Variants in USP34 observed in about 807,000 individuals in gnomAD.
USP34 encodes ubiquitin carboxyl-terminal hydrolase 34.
In USP34, 70 loss-of-function variants were observed where a neutral mutation model predicts 460.3. The ratio of observed to expected loss-of-function variants is 0.15; its 90% CI spans 0.13 to 0.19. USP34 has a LOEUF of 0.19. Among genes scored for constraint, USP34 ranks in the 10% least tolerant of loss-of-function variants. The pLI is 1.00. For synonymous variants in USP34, 1,647 were observed against 1,405.3 expected (o/e 1.17, Z -3.85); for missense variants, 3,985 against 4,236.2 (o/e 0.94, Z 1.65).
rs1333372050 is a variant in USP34 at position 61,284,796 on chromosome 2, A to G, written c.4832+79T>C. 4 of 1,177,602 alleles carry G rather than the reference A, an allele frequency of 3.4e-6. No homozygotes were observed. In the South Asian group the frequency reaches 7.5e-5, roughly 22 times the overall value. The allele number at this position is 1,177,602 out of a possible 1,614,324, so 72.9% of individuals were successfully genotyped here. On this transcript the variant is annotated intron_variant, in intron 35 of 79. Transcript: ENST00000398571. Reference sequence around the variant, plus strand: ...TCCCCCAAATTTTTCTATTAAGTTTAGAATTTTTCAAAATAAAGTTTTAAA... The same window carrying G: ...TCCCCCAAATTTTTCTATTAAGTTTGGAATTTTTCAAAATAAAGTTTTAAA...
chr2:61,319,143 A>G (rs1458031111), intron 22 of USP34, 30 bp downstream of exon 22: 1 of 1,528,898 alleles, frequency 6.5e-7, no homozygotes, highest in East Asian at 2.4e-5. Flanking sequence ...ACATGGAAAA[A>G]TAATAACAAA....
Position 61,296,999 on chromosome 2 carries a change from A to T in USP34, c.4129-74T>A, listed in dbSNP as rs78257503. On this transcript the variant is annotated intron_variant, in intron 29 of 79. Transcript: ENST00000398571. ...AAGTTTTAAGTTCAAATTTTTGCAT[A>T]AAGTAATGATCAAATTTGCTAATAG... 2,914 of 1,486,796 alleles carry T rather than the reference A, an allele frequency of 2.0e-3. 8 individuals carry two copies. Among genetic ancestry groups the T allele is most frequent in the Non-Finnish European group, 2.0e-3 (2,276 of 1,118,974 alleles). The allele number at this position is 1,486,796 out of a possible 1,614,324, so 92.1% of individuals were successfully genotyped here. A position where few individuals can be genotyped will look rare whatever the true frequency, so the allele number is the denominator to read the frequency against.
intron 3 of USP34, among the ~76,000 whole-genome samples, chr2:61,401,025 C>T (rs1693701493): frequency 6.6e-6 from 1 of 151,580 alleles, no homozygotes; most frequent in South Asian, 2.1e-4. Flanking sequence ...TGGGTGCGCG[C>T]CTGTAGTCCC....
chr2:61,400,626 G>A (rs1411279743), intron 3 of USP34, among the ~76,000 whole-genome samples: 3 of 152,040 alleles, frequency 2.0e-5, no homozygotes, highest in African/African-American at 7.2e-5. Context: ...GAGGCAGGAA[G>A]ATTGCCCAAA....
At chr2:61,225,886 T>G (rs1252240261) in intron 62 of USP34, among the ~76,000 whole-genome samples, 2 of 152,234 alleles carry the variant, frequency 1.3e-5, no homozygotes, top group African/African-American at 4.8e-5. Flanking sequence ...ATTTTCCCTA[T>G]AAGTCATATC....
At chr2:61,384,155 T>C (rs1176512396) in intron 5 of USP34, among the ~76,000 whole-genome samples, 1 of 152,226 alleles carries the variant, frequency 6.6e-6, no homozygotes, top group Non-Finnish European at 1.5e-5. Flanking sequence ...AAGTACTTAC[T>C]AAGTTTACTA....
At chr2:61,466,282 G>A (rs888268529) in intron 1 of USP34, among the ~76,000 whole-genome samples, 5 of 151,756 alleles carry the variant, frequency 3.3e-5, no homozygotes, top group South Asian at 4.1e-4. Context: ...AAAATTAGCC[G>A]GGCTTGGTGG....
At chr2:61,462,429 A>T (rs765494996) in intron 1 of USP34, among the ~76,000 whole-genome samples, 24 of 151,282 alleles carry the variant, frequency 1.6e-4, no homozygotes, top group Non-Finnish European at 2.7e-4. Context: ...CGCACCTGTA[A>T]TCCCAGCTAC....
Position 61,300,965 on chromosome 2 carries a change from C to T in USP34, c.4114G>A (p.Val1372Met), listed in dbSNP as rs1430135591. Residue 1372 changes from valine to methionine, a missense_variant, in exon 29 of 80, where the codon GTG (valine) becomes ATG (methionine). Physicochemically the swap from Val to Met is conservative, Grantham distance 21 (BLOSUM62 1). Around this residue, in one of 14 missense-constraint regions of USP34, gnomAD observed 1,114 missense variants for 1,122.5 expected, o/e 0.99. Coordinates refer to ENST00000398571, the MANE Select transcript of USP34 (RefSeq NM_014709.4). ...AACATAGTCACCTCACTATCATCCA[C>T]TGCCACTTTTCCTGAGGGTGGTTTA... ...SFKPPSGKVA[V>M]DDSESLRCEE... The T allele has an allele frequency of 6.2e-7, 1 of 1,611,676 alleles. No homozygotes were observed. Among genetic ancestry groups the T allele is most frequent in the Non-Finnish European group, 8.5e-7 (1 of 1,178,944 alleles).
At chr2:61,306,698 A>G (rs1186070726) in intron 27 of USP34, among the ~76,000 whole-genome samples, 1 of 152,228 alleles carries the variant, frequency 6.6e-6, no homozygotes, top group Non-Finnish European at 1.5e-5. Flanking sequence ...TATGCAGCCA[A>G]AAGACACATG....
At chr2:61,463,345 A>G (rs1695662904) in intron 1 of USP34, among the ~76,000 whole-genome samples, 1 of 152,114 alleles carries the variant, frequency 6.6e-6, no homozygotes. Flanking sequence ...AAATCAAAAA[A>G]TTTGAAATTT....
chr2:61,398,829 A>C (rs886804826), intron 3 of USP34, among the ~76,000 whole-genome samples: 3 of 152,238 alleles, frequency 2.0e-5, no homozygotes, highest in Admixed American at 6.5e-5. Context: ...AAATGTCCTT[A>C]GAGAAATGAA....
At chr2:61,324,508 C>T (rs145569465) in intron 21 of USP34, among the ~76,000 whole-genome samples, 3 of 152,286 alleles carry the variant, frequency 2.0e-5, no homozygotes, top group African/African-American at 7.2e-5. Flanking sequence ...GGTGCAGTGA[C>T]ACACTGGTAA....
Position 61,236,801 on chromosome 2 carries a change from A to AT in USP34, c.6778-413_6778-412insA, listed in dbSNP as rs1688082437. Among the ~76,000 whole-genome samples, 5 of 152,318 alleles carry AT rather than the reference A, an allele frequency of 3.3e-5. No homozygotes were observed. The South Asian group carries it at 1.0e-3, about 32-fold the overall frequency. On this transcript the variant is annotated intron_variant, in intron 53 of 79. Coordinates refer to ENST00000398571, the MANE Select transcript of USP34 (RefSeq NM_014709.4). ...TAAATCAGACGTGATTTGTTTATAAAAATCATGAAAAATTATTTCTGACAT... is the reference window on the plus strand; with the variant it reads ...TAAATCAGACGTGATTTGTTTATAAATAATCATGAAAAATTATTTCTGACAT...
chr2:61,259,571 A>T (rs936981040), intron 44 of USP34, 140 bp downstream of exon 44: 1 of 604,550 alleles, frequency 1.7e-6, no homozygotes, highest in African/African-American at 1.9e-5. Context: ...TTTTTAGTAG[A>T]GATGGGGTTT....
intron 22 of USP34, among the ~76,000 whole-genome samples, chr2:61,318,368 A>G (rs953965541): frequency 2.0e-5 from 3 of 152,164 alleles, no homozygotes; most frequent in Non-Finnish European, 4.4e-5. Flanking sequence ...AACTTATGAG[A>G]GGTATAGCTA....
At chr2:61,189,327 C>A in intron 78 of USP34, 1 of 320,408 alleles carries the variant, frequency 3.1e-6, no homozygotes, top group Non-Finnish European at 5.6e-6. Context: ...GGCTGGAGTG[C>A]AGTGGTGTAA....
intron 1 of USP34, among the ~76,000 whole-genome samples, chr2:61,458,507 G>C (rs1376865945): frequency 7.0e-6 from 1 of 141,866 alleles, no homozygotes; most frequent in African/African-American, 2.6e-5. Flanking sequence ...GTTGCAGTGA[G>C]CCAAGATCAC....
intron 57 of USP34, among the ~76,000 whole-genome samples, chr2:61,232,904 C>A (rs1476694496): frequency 9.1e-6 from 1 of 109,868 alleles, no homozygotes; most frequent in Non-Finnish European, 1.7e-5. Flanking sequence ...AGATCTTGCT[C>A]CGTTGCCCAG....
Sources: gnomAD v4.1 joint callset for allele counts (sites outside exome capture counted in the v4.1 genomes callset) on GRCh38, gnomAD v4.1.1 for gene constraint, gnomAD v4.1.1 regional missense constraint, MANE v1.5 for transcripts, NCBI Gene and HGNC (gene_info 2026-07-23, HGNC 2026-07-21) for gene names.